The following DGKB variants were observed in gnomAD, a reference collection of about 807,000 sequenced individuals.
The protein encoded by DGKB is diacylglycerol kinase beta.
DGKB carries 67 observed loss-of-function variants against 114.3 expected under a neutral mutation model. That is an observed-to-expected ratio of 0.59 (90% CI 0.48 to 0.72). DGKB has a LOEUF of 0.72. DGKB is among the 30% of genes least tolerant of loss of function. The pLI is 0.00. For synonymous variants in DGKB, 398 were observed against 323.1 expected, an observed-to-expected ratio of 1.23 and a Z score of -2.49; for missense variants, 907 against 975.2, an observed-to-expected ratio of 0.93 and a Z score of 0.93.
rs535959061 is a variant in DGKB at position 14,874,115 on chromosome 7, C to G, written c.-188+28477G>C. 2.2e-3 allele frequency among the ~76,000 whole-genome samples: 328 copies of G among 152,158 alleles called. 2 individuals carry two copies. The highest frequency in any genetic ancestry group is 7.5e-3 in the African/African-American group (313 of 41,548). ...CAGTTGAAGATGAAGAAGGGATGTACTCAGTTATCTAGCAGCACCACTTAC... is the reference window on the plus strand; with the variant it reads ...CAGTTGAAGATGAAGAAGGGATGTAGTCAGTTATCTAGCAGCACCACTTAC... On this transcript the variant is annotated intron_variant, in intron 1 of 25. Transcript: ENST00000402815.
chr7:14,534,317 G>A, intron 20 of DGKB, among the ~76,000 whole-genome samples: 1 of 151,878 alleles, frequency 6.6e-6, no homozygotes. Flanking sequence ...AAAAGACAAA[G>A]AGGAAAAAAT....
chr7:14,912,874 G>T (rs1784063392), intron 1 of DGKB, among the ~76,000 whole-genome samples: 1 of 152,204 alleles, frequency 6.6e-6, no homozygotes, highest in African/African-American at 2.4e-5. Flanking sequence ...CGTACAGAAA[G>T]CACTTCTCTG....
intron 21 of DGKB, among the ~76,000 whole-genome samples, chr7:14,355,073 C>T (rs956051764): frequency 2.0e-5 from 3 of 152,076 alleles, no homozygotes; most frequent in African/African-American, 7.2e-5. Flanking sequence ...CAGCAAATAG[C>T]AGAAGAATTG....
chr7:14,581,451 C>T (rs1799919692), intron 18 of DGKB, among the ~76,000 whole-genome samples: 1 of 152,128 alleles, frequency 6.6e-6, no homozygotes, highest in South Asian at 2.1e-4. Flanking sequence ...CTTTTTCCCA[C>T]CCATGGTGCT....
At chr7:14,157,916 TGA>T (rs1783271630) in intron 25 of DGKB, among the ~76,000 whole-genome samples, 1 of 152,186 alleles carries the variant, frequency 6.6e-6, no homozygotes, top group African/African-American at 2.4e-5. Context: ...ACTTGTGACT[TGA>T]CTTTTCTTAC....
chr7:14,662,152 A>G lies in DGKB; in HGVS notation c.1134+10777T>C, dbSNP rs559277019. Among the ~76,000 whole-genome samples the G allele has an allele frequency of 6.9e-3, 1,044 of 152,114 alleles. 8 individuals are homozygous for G. The highest frequency in any genetic ancestry group is 0.011 in the Non-Finnish European group (772 of 67,984). On this transcript the variant is annotated intron_variant, in intron 13 of 25. Coordinates refer to ENST00000402815, the MANE Select transcript of DGKB (RefSeq NM_001350709.2). ...GCGCACCAGCATGGCACATGTATACATATGTAACTAACCTGCATGTTGTGC... is the reference window on the plus strand; with the variant it reads ...GCGCACCAGCATGGCACATGTATACGTATGTAACTAACCTGCATGTTGTGC...
chr7:14,188,608 C>T lies in DGKB; in HGVS notation c.2123-10457G>A, dbSNP rs1783822342. Among the ~76,000 whole-genome samples, 2 of 111,980 alleles carry T rather than the reference C, an allele frequency of 1.8e-5. 1 individual carries two copies. Among genetic ancestry groups the T allele is most frequent in the Non-Finnish European group, 3.8e-5 (2 of 53,050 alleles). 73.5% of individuals were successfully genotyped at this position (111,980 alleles called of 152,430 possible). On this transcript the variant is annotated intron_variant, in intron 23 of 25. Transcript: ENST00000402815. Reference sequence around the variant, plus strand: ...CCGGGAGGCGGAGCTTGCAGTGAGCCTAGATCCCGCCACTGCACTCCAGCC... The same window carrying T: ...CCGGGAGGCGGAGCTTGCAGTGAGCTTAGATCCCGCCACTGCACTCCAGCC...
intron 21 of DGKB, among the ~76,000 whole-genome samples, chr7:14,372,518 A>G (rs1051732399): frequency 6.6e-6 from 1 of 152,120 alleles, no homozygotes; most frequent in African/African-American, 2.4e-5. Flanking sequence ...TGACAAGTGA[A>G]AGAAACACAT....
chr7:14,326,936 T>C (rs1808848087), intron 23 of DGKB, among the ~76,000 whole-genome samples: 1 of 152,072 alleles, frequency 6.6e-6, no homozygotes, highest in Non-Finnish European at 1.5e-5. Context: ...CACTCTCTAT[T>C]ACAACACATA....
At chr7:14,303,433 T>C (rs922831118) in intron 23 of DGKB, among the ~76,000 whole-genome samples, 33 of 152,170 alleles carry the variant, frequency 2.2e-4, no homozygotes, top group Admixed American at 6.5e-5. Context: ...TAATAAACTA[T>C]GTTTTTGTTA....
At chr7:14,919,105 C>T (rs1014925909) in intron 1 of DGKB, among the ~76,000 whole-genome samples, 1 of 146,652 alleles carries the variant, frequency 6.8e-6, no homozygotes, top group Non-Finnish European at 1.5e-5. Flanking sequence ...AACACACACA[C>T]ACACACACAC....
chr7:14,728,471 C>T (rs1830346510), intron 5 of DGKB, among the ~76,000 whole-genome samples: 1 of 152,120 alleles, frequency 6.6e-6, no homozygotes, highest in African/African-American at 2.4e-5. Context: ...TCTCAGTGCT[C>T]CTAACAAGTC....
At chr7:14,594,734 C>T (rs1462213679) in intron 17 of DGKB, among the ~76,000 whole-genome samples, 1 of 152,006 alleles carries the variant, frequency 6.6e-6, no homozygotes, top group Non-Finnish European at 1.5e-5. Flanking sequence ...CACATCAGAT[C>T]ATTCCATGGA....
At chr7:14,426,651 A>G (rs778829970) in intron 21 of DGKB, among the ~76,000 whole-genome samples, 4 of 152,162 alleles carry the variant, frequency 2.6e-5, no homozygotes, top group Non-Finnish European at 5.9e-5. Context: ...AGTTCAGAAA[A>G]GGCGAACTAT....
At chr7:14,299,756 C>T (rs1449796190) in intron 23 of DGKB, among the ~76,000 whole-genome samples, 2 of 152,110 alleles carry the variant, frequency 1.3e-5, no homozygotes, top group African/African-American at 2.4e-5. Context: ...AATGCTTTCA[C>T]ACCTGCCGCT....
intron 20 of DGKB, among the ~76,000 whole-genome samples, chr7:14,564,791 C>G (rs1234209041): frequency 6.6e-6 from 1 of 151,722 alleles, no homozygotes; most frequent in African/African-American, 2.4e-5. Context: ...ACATTATATA[C>G]TTTTTGTTTT....
intron 2 of DGKB, among the ~76,000 whole-genome samples, chr7:14,772,930 G>A (rs954034669): frequency 2.7e-5 from 4 of 150,098 alleles, no homozygotes; most frequent in Non-Finnish European, 5.9e-5. Context: ...ACATCTTCCA[G>A]CTTTCTCTTT....
At chr7:14,851,413 A>G (rs1238608307) in intron 1 of DGKB, among the ~76,000 whole-genome samples, 8 of 152,170 alleles carry the variant, frequency 5.3e-5, no homozygotes, top group Admixed American at 5.2e-4. Context: ...TGATTTTAAA[A>G]TATCTTTTAG....
intron 6 of DGKB, among the ~76,000 whole-genome samples, chr7:14,716,217 A>G (rs192402842): frequency 6.6e-6 from 1 of 152,272 alleles, no homozygotes; most frequent in Non-Finnish European, 1.5e-5. Context: ...GTGCTTCTCA[A>G]AATGTGATCC....
Sources: gnomAD v4.1 joint callset for allele counts (sites outside exome capture counted in the v4.1 genomes callset) on GRCh38, gnomAD v4.1.1 for gene constraint, MANE v1.5 for transcripts, NCBI Gene and HGNC (gene_info 2026-07-23, HGNC 2026-07-21) for gene names.